ELK3: variants seen among roughly 807,000 people sequenced by gnomAD.
ELK3 encodes ETS transcription factor ELK3.
Under a neutral mutation model 28.9 loss-of-function variants are expected in ELK3, and 10 were observed. The observed-to-expected ratio is 0.35, with a 90% confidence interval of 0.21 to 0.59. The LOEUF (loss-of-function observed/expected upper bound fraction) is 0.59, where lower values mean the gene tolerates loss of function less well. ELK3 is among the 20% of genes least tolerant of loss of function. The probability of loss-of-function intolerance (pLI) is 0.82; values close to 1 mark genes in which losing one functional copy is unlikely to be tolerated. For missense variants in ELK3, 463 were observed against 517.3 expected (o/e 0.90, Z 1.02); for synonymous variants, 272 against 243.5 (o/e 1.12, Z -1.09).
At chr12:96,210,561 G>GCACACACACACACA (rs368183390) in intron 1 of ELK3, among the ~76,000 whole-genome samples, 219 of 144,818 alleles carry the variant, frequency 1.5e-3, no homozygotes, top group East Asian at 9.3e-3. Context: ...GCGCGCGGGC[G>GCACACACACACACA]CACGCACACA....
chr12:96,214,950 C>G (rs1951600869), intron 1 of ELK3, among the ~76,000 whole-genome samples: 1 of 152,164 alleles, frequency 6.6e-6, no homozygotes, highest in African/African-American at 2.4e-5. Flanking sequence ...AGGAGTTGAA[C>G]TCAGCAGAAT....
chr12:96,222,149 A>G (rs1217117511), intron 1 of ELK3, among the ~76,000 whole-genome samples: 1 of 152,164 alleles, frequency 6.6e-6, no homozygotes, highest in African/African-American at 2.4e-5. Context: ...ATGAGGATTG[A>G]TAACACAAAT....
At chr12:96,254,885 C>A (rs1353453598) in intron 3 of ELK3, among the ~76,000 whole-genome samples, 1 of 151,612 alleles carries the variant, frequency 6.6e-6, no homozygotes. Context: ...AGGAAGGCAT[C>A]GTCGGCAGAG....
intron 1 of ELK3, among the ~76,000 whole-genome samples, chr12:96,215,527 A>C (rs1460854010): frequency 6.6e-6 from 1 of 152,174 alleles, no homozygotes; most frequent in Non-Finnish European, 1.5e-5. Context: ...AGAATGATCA[A>C]TATTTCTGTC....
chr12:96,209,970 T>A (rs1177949780), intron 1 of ELK3, among the ~76,000 whole-genome samples: 1 of 152,082 alleles, frequency 6.6e-6, no homozygotes, highest in Non-Finnish European at 1.5e-5. Context: ...CACAACTTTT[T>A]AAGGTTTTGG....
At chr12:96,198,871 G>A (rs2136997306) in intron 1 of ELK3, among the ~76,000 whole-genome samples, 1 of 152,260 alleles carries the variant, frequency 6.6e-6, no homozygotes, top group South Asian at 2.1e-4. Flanking sequence ...CACTTAACAT[G>A]TAACACATTT....
At chr12:96,201,038 A>G (rs914006777) in intron 1 of ELK3, among the ~76,000 whole-genome samples, 2 of 152,124 alleles carry the variant, frequency 1.3e-5, no homozygotes, top group Admixed American at 6.6e-5. Flanking sequence ...TGTTACGGCA[A>G]TTTCATGATT....
intron 3 of ELK3, among the ~76,000 whole-genome samples, chr12:96,258,591 C>T (rs1333855134): frequency 1.3e-5 from 2 of 152,228 alleles, no homozygotes; most frequent in Non-Finnish European, 1.5e-5. Context: ...TTATTGACAT[C>T]ACAAAACCAC....
chr12:96,227,097 T>C (rs1278439415), intron 2 of ELK3, among the ~76,000 whole-genome samples: 1 of 152,128 alleles, frequency 6.6e-6, no homozygotes, highest in Non-Finnish European at 1.5e-5. Context: ...GAGAGACAGA[T>C]TGGAGCAGAG....
At chr12:96,198,128 C>CT (rs1309101559) in intron 1 of ELK3, 12 of 152,246 alleles carry the variant, frequency 7.9e-5, no homozygotes, top group African/African-American at 2.9e-4. Flanking sequence ...GGAGTAGAGT[C>CT]TTTTTTCACT....
intron 1 of ELK3, among the ~76,000 whole-genome samples, chr12:96,214,197 G>A (rs566884383): frequency 5.3e-5 from 8 of 152,064 alleles, no homozygotes; most frequent in Admixed American, 1.3e-4. Flanking sequence ...TTGGGAGGCC[G>A]AGGTGGGTGG....
intron 3 of ELK3, among the ~76,000 whole-genome samples, chr12:96,252,334 A>G (rs1220596520): frequency 6.6e-6 from 1 of 152,018 alleles, no homozygotes; most frequent in Non-Finnish European, 1.5e-5. Context: ...CATCCATTCT[A>G]CAACCCAGAA....
At position 96,247,421 on chromosome 12, in the gene ELK3, C is replaced by A. The variant is rs2137033323; in HGVS notation, c.689C>A (p.Ala230Asp). ...AKISSLMLPN[A>D]ASISSASPFS... ...ATCTCCTCTTTAATGTTGCCAAACG[C>A]TGCCAGTATTTCATCCGCCTCACCC... Residue 230 changes from alanine (A) to aspartate (D), a missense_variant, in exon 3 of 5, where the codon GCT becomes GAT. Coordinates refer to ENST00000228741, the MANE Select transcript of ELK3 (RefSeq NM_005230.4). This position sits in a 1 kb window ranked among gnomAD's most constrained non-coding sequence, Gnocchi z 5.5. 6.2e-7 allele frequency: 1 copy of A among 1,614,142 alleles called. No individual in the cohort carries two copies. Among genetic ancestry groups the A allele is most frequent in the East Asian group, 2.2e-5 (1 of 44,880 alleles).
chr12:96,257,900 A>G (rs77343939), intron 3 of ELK3, among the ~76,000 whole-genome samples: 267 of 152,350 alleles, frequency 1.8e-3, no homozygotes, highest in Middle Eastern at 6.8e-3. Context: ...TATACTTTCA[A>G]TTAATTACCA....
chr12:96,247,071 G>A lies in ELK3; in HGVS notation c.339G>A (p.Lys113=). The A allele has an allele frequency of 3.1e-6, 5 of 1,613,952 alleles. No individual in the cohort carries two copies. The highest frequency in any genetic ancestry group is 4.2e-6 in the Non-Finnish European group (5 of 1,180,012). ...TTCTGCTGCAGGACAGCGACTGCAA[G>A]GCGTCTCCGGAGGGCCGCGAGGCCC... ...ESLLLQDSDC[K]ASPEGREAHK... The change falls in exon 3 of 5, where the codon AAG becomes AAA. Residue 113 remains lysine, a synonymous_variant. Coordinates refer to ENST00000228741, the MANE Select transcript of ELK3 (RefSeq NM_005230.4). The surrounding 1 kb of genome is among the most constrained non-coding windows in gnomAD (Gnocchi z 5.5).
At chr12:96,204,442 C>T (rs779304405) in intron 1 of ELK3, among the ~76,000 whole-genome samples, 7 of 152,262 alleles carry the variant, frequency 4.6e-5, no homozygotes, top group African/African-American at 9.6e-5. Context: ...AACACCCAAA[C>T]GGGGGAGGAC....
chr12:96,197,308 G>C (rs556391143), intron 1 of ELK3, among the ~76,000 whole-genome samples: 4 of 152,304 alleles, frequency 2.6e-5, no homozygotes, highest in Non-Finnish European at 5.9e-5. Flanking sequence ...GGGTGCATTG[G>C]CTTCTGGAGG....
intron 2 of ELK3, among the ~76,000 whole-genome samples, chr12:96,240,244 G>A (rs776908354): frequency 6.6e-6 from 1 of 151,882 alleles, no homozygotes; most frequent in African/African-American, 2.4e-5. Flanking sequence ...CAGAATATGC[G>A]CAGCCTTCTG....
rs200944538 is a variant in ELK3 at position 96,244,032 on chromosome 12, A to G, written c.208-2908A>G. Among the ~76,000 whole-genome samples the G allele has an allele frequency of 2.5e-4, 38 of 150,582 alleles. No individual in the cohort carries two copies. The East Asian group carries it at 7.4e-3, about 29-fold the overall frequency. ...AAAAAAAAAAAAAAAAAAATCTATG[A>G]TTCTGTTTAATGAAATTGAGGCCCA... On this transcript the variant is annotated intron_variant, in intron 2 of 4. Coordinates refer to ENST00000228741, the MANE Select transcript of ELK3 (RefSeq NM_005230.4).
Sources: gnomAD v4.1 joint callset for allele counts (sites outside exome capture counted in the v4.1 genomes callset) on GRCh38, gnomAD v4.1.1 for gene constraint, Gnocchi (gnomAD v3.1) non-coding constraint, MANE v1.5 for transcripts, NCBI Gene and HGNC (gene_info 2026-07-23, HGNC 2026-07-21) for gene names.